DGKI: variants seen among roughly 807,000 people sequenced by gnomAD.
The protein encoded by DGKI is diacylglycerol kinase iota, also known as DAG kinase iota.
Under a neutral mutation model 147.5 loss-of-function variants are expected in DGKI, and 55 were observed. The ratio of observed to expected loss-of-function variants is 0.37; its 90% CI spans 0.30 to 0.47. The LOEUF (loss-of-function observed/expected upper bound fraction) is 0.47. Among genes scored for constraint, DGKI ranks in the 20% least tolerant of loss-of-function variants. DGKI has a pLI of 1.00. For synonymous variants in DGKI, 469 were observed against 477.1 expected (o/e 0.98, Z 0.22); for missense variants, 1,007 against 1,323.8 (o/e 0.76, Z 3.71).
intron 1 of DGKI, among the ~76,000 whole-genome samples, chr7:137,822,856 T>A (rs1005312360): frequency 6.6e-6 from 1 of 151,462 alleles, no homozygotes; most frequent in African/African-American, 2.4e-5. Context: ...ATAAAAAGTA[T>A]GATCACAAAA....
chr7:137,752,935 G>T (rs762712377), intron 1 of DGKI, among the ~76,000 whole-genome samples: 1 of 151,982 alleles, frequency 6.6e-6, no homozygotes, highest in Non-Finnish European at 1.5e-5. Flanking sequence ...CACCTGTTTT[G>T]GTTCCTGCAA....
Position 137,466,973 on chromosome 7 carries a change from G to C in DGKI, c.2444-31C>G, listed in dbSNP as rs180956530. The C allele has an allele frequency of 2.2e-4, 357 of 1,611,742 alleles. 1 individual carries two copies. The African/African-American group carries it at 4.5e-3, about 20-fold the overall frequency. On this transcript the variant is annotated intron_variant, in intron 24 of 32. Transcript: ENST00000614521. The stretch of plus-strand genomic sequence containing the variant: ...GGAAAAAAAATGCAGATGGCATTCA[G>C]AATGTTCTGTAATCTGGCACCAAAT...
chr7:137,825,733 C>T (rs1798040932), intron 1 of DGKI, among the ~76,000 whole-genome samples: 1 of 148,068 alleles, frequency 6.8e-6, no homozygotes, highest in South Asian at 2.1e-4. Flanking sequence ...CACACACACT[C>T]AGTGGTAGGC....
chr7:137,786,859 C>T (rs187478889), intron 1 of DGKI, among the ~76,000 whole-genome samples: 1 of 151,922 alleles, frequency 6.6e-6, no homozygotes, highest in Non-Finnish European at 1.5e-5. Flanking sequence ...AAACAAACAA[C>T]AACATAAAGA....
chr7:137,588,734 C>T (rs1311370429), intron 12 of DGKI, among the ~76,000 whole-genome samples: 1 of 152,120 alleles, frequency 6.6e-6, no homozygotes, highest in African/African-American at 2.4e-5. Context: ...CCTCGGCCTC[C>T]CAAAGTGCTG....
At chr7:137,504,955 T>G (rs1816314809) in intron 21 of DGKI, among the ~76,000 whole-genome samples, 1 of 151,924 alleles carries the variant, frequency 6.6e-6, no homozygotes, top group Admixed American at 6.6e-5. Flanking sequence ...ACAGACTGGG[T>G]GAAAATCTTT....
intron 21 of DGKI, among the ~76,000 whole-genome samples, chr7:137,521,551 C>A (rs948415519): frequency 2.6e-5 from 4 of 152,084 alleles, no homozygotes; most frequent in Non-Finnish European, 5.9e-5. Context: ...CTGGATGGTG[C>A]TATACCATTG....
At chr7:137,417,454 A>G (rs1731973) in intron 28 of DGKI, among the ~76,000 whole-genome samples, 142,557 of 152,030 alleles carry the variant, frequency 0.94, 67,503 homozygotes, top group East Asian at 1. Flanking sequence ...AACACAGAAA[A>G]CTGGGACTGA....
At chr7:137,467,546 A>G (rs754140302) in intron 24 of DGKI, among the ~76,000 whole-genome samples, 2 of 152,232 alleles carry the variant, frequency 1.3e-5, no homozygotes, top group African/African-American at 4.8e-5. Flanking sequence ...TAAATGAATC[A>G]TTTCACTTTC....
intron 7 of DGKI, among the ~76,000 whole-genome samples, chr7:137,622,309 G>T (rs1333826244): frequency 6.6e-6 from 1 of 152,172 alleles, no homozygotes; most frequent in Non-Finnish European, 1.5e-5. Flanking sequence ...CAGCCCCATG[G>T]CCTGTGTGGC....
At chr7:137,644,987 A>G (rs1821774333) in intron 6 of DGKI, among the ~76,000 whole-genome samples, 1 of 152,194 alleles carries the variant, frequency 6.6e-6, no homozygotes, top group South Asian at 2.1e-4. Context: ...GGTAGATATA[A>G]ATAACCACAA....
At chr7:137,409,251 T>TA (rs1812074887) in intron 29 of DGKI, among the ~76,000 whole-genome samples, 1 of 152,090 alleles carries the variant, frequency 6.6e-6, no homozygotes, top group Non-Finnish European at 1.5e-5. Context: ...AATACTTTCT[T>TA]AAAAAAAGAA....
chr7:137,394,511 C>T (rs1240996911), intron 32 of DGKI, among the ~76,000 whole-genome samples: 1 of 152,140 alleles, frequency 6.6e-6, no homozygotes, highest in Non-Finnish European at 1.5e-5. Context: ...ACTCCTCCTT[C>T]CCTCTATCTT....
At chr7:137,576,630 G>A (rs567697144) in intron 17 of DGKI, among the ~76,000 whole-genome samples, 4 of 152,046 alleles carry the variant, frequency 2.6e-5, no homozygotes, top group South Asian at 2.1e-4. Flanking sequence ...GTATATTTCC[G>A]CAACCTGATA....
At chr7:137,670,716 A>G (rs939719408) in intron 3 of DGKI, among the ~76,000 whole-genome samples, 4 of 152,220 alleles carry the variant, frequency 2.6e-5, no homozygotes, top group African/African-American at 9.6e-5. Flanking sequence ...GCACCCAAAC[A>G]ACTCAGAGAG....
intron 16 of DGKI, 33 bp downstream of exon 16, chr7:137,578,237 A>T (rs770434598): frequency 3.9e-5 from 57 of 1,470,356 alleles, no homozygotes; most frequent in Admixed American, 6.7e-5. Flanking sequence ...AATAAGTAAT[A>T]TGTAGTAATT....
chr7:137,400,215 T>C lies in DGKI; in HGVS notation c.2921-2802A>G, dbSNP rs188272508. Among the ~76,000 whole-genome samples, 18 of 152,356 alleles carry C rather than the reference T, an allele frequency of 1.2e-4. No individual in the cohort carries two copies. The East Asian group carries it at 3.1e-3, about 26-fold the overall frequency. The stretch of plus-strand genomic sequence containing the variant: ...GGCACTCTTCACGTCAGCAAGGGGC[T>C]TAAGTACCCAATGGTCCTCTTAAAG... On this transcript the variant is annotated intron_variant, in intron 30 of 32. Transcript: ENST00000614521.
intron 28 of DGKI, among the ~76,000 whole-genome samples, chr7:137,440,020 C>T (rs1813435275): frequency 6.6e-6 from 1 of 152,130 alleles, no homozygotes; most frequent in African/African-American, 2.4e-5. Context: ...CAGCGGTAAG[C>T]GCAGCATTCC....
chr7:137,655,458 A>T (rs1361477527), intron 4 of DGKI, among the ~76,000 whole-genome samples: 1 of 152,182 alleles, frequency 6.6e-6, no homozygotes, highest in Non-Finnish European at 1.5e-5. Context: ...TTGGCCTCCC[A>T]AAGTGCTGGG....
Sources: allele counts gnomAD v4.1 joint callset (sites outside exome capture counted in the v4.1 genomes callset), GRCh38; gene constraint gnomAD v4.1.1; transcripts MANE v1.5; gene names NCBI Gene and HGNC (gene_info 2026-07-23, HGNC 2026-07-21).